PRMT8: variants seen among roughly 807,000 people sequenced by gnomAD.
PRMT8 encodes the protein protein arginine N-methyltransferase 8.
A neutral mutation model predicts 47.1 loss-of-function variants in PRMT8; 7 were observed. The observed-to-expected ratio is 0.15, with a 90% CI of 0.08 to 0.28. The LOEUF is 0.28. Ranked by LOEUF, PRMT8 falls within the 10% of genes least tolerant of loss-of-function variation. The pLI is 1.00. For missense variants in PRMT8, 237 were observed against 505.4 expected (o/e 0.47, Z 5.09); for synonymous variants, 188 against 186.5 (o/e 1.01, Z -0.07).
At chr12:3,565,987 AG>A (rs1476597820) in intron 4 of PRMT8, among the ~76,000 whole-genome samples, 2 of 152,332 alleles carry the variant, frequency 1.3e-5, no homozygotes, top group African/African-American at 4.8e-5. Flanking sequence ...AACATCTTCT[AG>A]GGCTACAGAG....
intron 1 of PRMT8, among the ~76,000 whole-genome samples, chr12:3,406,762 T>A (rs1305074756): frequency 6.6e-6 from 1 of 152,226 alleles, no homozygotes; most frequent in African/African-American, 2.4e-5. Context: ...AGTTCCAAAC[T>A]TTCCTACATC....
At chr12:3,431,692 A>G (rs2137068493) in intron 1 of PRMT8, among the ~76,000 whole-genome samples, 1 of 152,328 alleles carries the variant, frequency 6.6e-6, no homozygotes, top group South Asian at 2.1e-4. Flanking sequence ...TACATATCAA[A>G]GGAGAAGCTC....
intron 1 of PRMT8, among the ~76,000 whole-genome samples, chr12:3,449,433 C>G (rs1591552989): frequency 6.6e-6 from 1 of 152,210 alleles, no homozygotes; most frequent in East Asian, 1.9e-4. Context: ...TCCATTCTGA[C>G]TGGCTTGAGG....
At chr12:3,455,155 C>A (rs959342327) in intron 1 of PRMT8, among the ~76,000 whole-genome samples, 7 of 152,162 alleles carry the variant, frequency 4.6e-5, no homozygotes, top group African/African-American at 1.7e-4. Flanking sequence ...TTCTCTGCTG[C>A]AGCCCTAACT....
In PRMT8 at chr12:3,453,972, G is replaced by GCGA. The variant is rs1401511282; in HGVS notation, c.48+72533_48+72535dup. Among the ~76,000 whole-genome samples, 1 of 152,204 alleles carries GCGA rather than the reference G, an allele frequency of 6.6e-6. No individual in the cohort carries two copies. Among genetic ancestry groups the GCGA allele is most frequent in the Non-Finnish European group, 1.5e-5 (1 of 68,042 alleles). On this transcript the variant is annotated intron_variant, in intron 1 of 9. Transcript: ENST00000452611. The surrounding 1 kb of genome is among the most constrained non-coding windows in gnomAD (Gnocchi z 4.9). ...GGGCTTTTTCAGGTTTCGAGAAGCA[G>GCGA]CGACGTGCTCGGGTCACCTCAGGGC... is the stretch of plus-strand genomic sequence containing the variant.
At chr12:3,522,385 G>T (rs1163820313) in intron 1 of PRMT8, among the ~76,000 whole-genome samples, 1 of 152,080 alleles carries the variant, frequency 6.6e-6, no homozygotes, top group East Asian at 1.9e-4. Flanking sequence ...ACAAGCTCAG[G>T]CCGGGCGCGG....
At chr12:3,546,760 T>C (rs1371685704) in intron 2 of PRMT8, among the ~76,000 whole-genome samples, 1 of 152,164 alleles carries the variant, frequency 6.6e-6, no homozygotes, top group Non-Finnish European at 1.5e-5. Context: ...GAACTATACC[T>C]AACACAAACT....
intron 1 of PRMT8, among the ~76,000 whole-genome samples, chr12:3,476,524 T>C (rs1025579632): frequency 2.6e-5 from 4 of 152,168 alleles, no homozygotes; most frequent in African/African-American, 9.7e-5. Flanking sequence ...AACAAGAGCC[T>C]CATCCCTGGC....
chr12:3,425,217 T>G (rs1187975473), intron 1 of PRMT8, among the ~76,000 whole-genome samples: 1 of 152,236 alleles, frequency 6.6e-6, no homozygotes, highest in African/African-American at 2.4e-5. Flanking sequence ...AGTCTAGTAC[T>G]TGTTAGCCAT....
chr12:3,517,801 G>C (rs1183127868), intron 1 of PRMT8, among the ~76,000 whole-genome samples: 2 of 151,920 alleles, frequency 1.3e-5, no homozygotes, highest in Non-Finnish European at 2.9e-5. Flanking sequence ...AGGTTTAAAG[G>C]GATAATCCTC....
At chr12:3,397,470 C>G (rs564164175) in intron 1 of PRMT8, among the ~76,000 whole-genome samples, 85 of 147,752 alleles carry the variant, frequency 5.8e-4, no homozygotes, top group Admixed American at 8.1e-4. Flanking sequence ...GTACTGGGCC[C>G]TGTGAGGTGT....
intron 1 of PRMT8, among the ~76,000 whole-genome samples, chr12:3,467,652 T>A (rs948196085): frequency 3.9e-5 from 6 of 152,230 alleles, no homozygotes; most frequent in African/African-American, 1.4e-4. Flanking sequence ...CCCTGTCGAC[T>A]GTGGACTTTC....
chr12:3,566,438 T>C lies in PRMT8; in HGVS notation c.482-2268T>C, dbSNP rs898295877. 6.6e-6 allele frequency among the ~76,000 whole-genome samples: 1 copy of C among 152,142 alleles called. No homozygotes were observed. The highest frequency in any genetic ancestry group is 1.5e-5 in the Non-Finnish European group (1 of 68,024). On this transcript the variant is annotated intron_variant, in intron 4 of 9. Coordinates refer to ENST00000382622, the MANE Select transcript of PRMT8 (RefSeq NM_019854.5). The surrounding 1 kb of genome is among the most constrained non-coding windows in gnomAD (Gnocchi z 4.7). The stretch of plus-strand genomic sequence containing the variant: ...TTTAATGGTAGGGGCTTTTGAGCAG[T>C]AACCAGTCAGGAGGGCCACCCAAGA...
At chr12:3,526,572 G>A (rs1195032218) in intron 1 of PRMT8, among the ~76,000 whole-genome samples, 1 of 152,148 alleles carries the variant, frequency 6.6e-6, no homozygotes, top group African/African-American at 2.4e-5. Context: ...TTCTGGGTGT[G>A]AAGTGGTATC....
rs1205719733 is a variant in PRMT8 at position 3,593,415 on chromosome 12, C to T, written c.*233C>T. 5 of 516,618 alleles carry T rather than the reference C, an allele frequency of 9.7e-6. No individual in the cohort carries two copies. Among genetic ancestry groups the T allele is most frequent in the Admixed American group, 7.7e-5 (2 of 25,902 alleles). 32.0% of individuals were successfully genotyped at this position (516,618 alleles called of 1,614,324 possible). On this transcript the variant is annotated 3_prime_UTR_variant, in exon 10 of 10. Transcript: ENST00000382622. This position sits in a 1 kb window ranked among gnomAD's most constrained non-coding sequence, Gnocchi z 4.8. ...CTTCACGAAGGCTTTGTGTTGCCAA[C>T]AAAGAGCGACCTGGCGTGCTGTGGC...
intron 1 of PRMT8, among the ~76,000 whole-genome samples, chr12:3,434,110 T>C (rs1361726459): frequency 6.6e-6 from 1 of 152,152 alleles, no homozygotes; most frequent in African/African-American, 2.4e-5. Flanking sequence ...ATGAAATTAT[T>C]TGTTGTGACC....
chr12:3,523,521 G>C (rs908820462), intron 1 of PRMT8, among the ~76,000 whole-genome samples: 1 of 152,146 alleles, frequency 6.6e-6, no homozygotes, highest in African/African-American at 2.4e-5. Context: ...AACCCTAAGA[G>C]AGTAAAAATA....
chr12:3,560,388 C>T (rs914281988), intron 4 of PRMT8, among the ~76,000 whole-genome samples: 5 of 152,230 alleles, frequency 3.3e-5, no homozygotes, highest in Admixed American at 6.5e-5. Context: ...TGTAGACACA[C>T]ACCCACAGGA....
intron 1 of PRMT8, among the ~76,000 whole-genome samples, chr12:3,391,102 C>G (rs12580762): frequency 3.3e-5 from 5 of 152,162 alleles, no homozygotes; most frequent in African/African-American, 9.7e-5. Flanking sequence ...GCTCCCATCT[C>G]CTATAGCATG....
Sources: allele counts gnomAD v4.1 joint callset (sites outside exome capture counted in the v4.1 genomes callset), GRCh38; gene constraint gnomAD v4.1.1; non-coding constraint Gnocchi (gnomAD v3.1); transcripts MANE v1.5; gene names NCBI Gene and HGNC (gene_info 2026-07-23, HGNC 2026-07-21).